SLC4A3: variants seen among roughly 807,000 people sequenced by gnomAD.
The protein encoded by SLC4A3 is solute carrier family 4 member 3.
SLC4A3 carries 47 observed loss-of-function variants against 114.2 expected under a neutral mutation model. The observed-to-expected ratio is 0.41, with a 90% CI of 0.33 to 0.52. SLC4A3 has a LOEUF of 0.52. Ranked by LOEUF, SLC4A3 falls within the 20% of genes least tolerant of loss-of-function variation. SLC4A3 has a pLI of 0.21. For synonymous variants in SLC4A3, 693 were observed against 710.3 expected, an observed-to-expected ratio of 0.98 and a Z score of 0.39; for missense variants, 1,312 against 1,668.3, an observed-to-expected ratio of 0.79 and a Z score of 3.72.
rs908247938 is a variant in SLC4A3, at chr2:219,629,234, C to G, written c.308C>G (p.Ala103Gly). 10 of 1,613,596 alleles carry G rather than the reference C, an allele frequency of 6.2e-6. No individual in the cohort carries two copies. Among genetic ancestry groups the G allele is most frequent in the African/African-American group, 1.3e-5 (1 of 75,040 alleles). ...CTGCGGCGGCTGCCCCCCACCTCTG[C>G]CCGGCACACCAGGAGAAAGAGGAAG... ...HKLRRLPPTS[A>G]RHTRRKRKKE... The change falls in exon 4 of 23, where the codon GCC becomes GGC. Residue 103 changes from alanine to glycine, a missense_variant. Physicochemically the swap from Ala to Gly is moderately conservative, Grantham distance 60. Transcript: ENST00000358055.
intron 8 of SLC4A3, 95 bp from the exon 9 acceptor site, chr2:219,632,779 C>A (rs1482045948): frequency 1.3e-6 from 2 of 1,518,876 alleles, no homozygotes; most frequent in South Asian, 1.2e-5. Context: ...GCCCTTCCAG[C>A]ACATTCGCAT....
rs562570966 is a variant in SLC4A3, at chr2:219,629,924, T to C, written c.611+229T>C. The C allele has an allele frequency of 1.6e-4, 127 of 805,684 alleles. 1 individual carries two copies. In the African/African-American group the frequency reaches 2.1e-3, roughly 13 times the overall value. 49.9% of individuals were successfully genotyped at this position (805,684 alleles called of 1,614,324 possible). ...ACAGAGAAGAGCAGAGTGAAGAGGT[T>C]AGGAGTTCCCCAGGAGAGAGTGACA... On this transcript the variant is annotated intron_variant, in intron 5 of 22. Transcript: ENST00000358055.
chr2:219,635,774 C>T lies in SLC4A3; in HGVS notation c.2074C>T (p.Arg692Trp), dbSNP rs1047735060. 2.5e-6 allele frequency: 4 copies of T among 1,593,700 alleles called. No homozygotes were observed. Among genetic ancestry groups the T allele is most frequent in the African/African-American group, 2.7e-5 (2 of 73,920 alleles). The change falls in exon 14 of 23, where the codon CGG becomes TGG. Residue 692 changes from arginine (R) to tryptophan (W), a missense_variant. Coordinates refer to ENST00000358055, the MANE Select transcript of SLC4A3 (RefSeq NM_005070.4). The part of the protein sequence containing the change: ...FGGLVRDVRR[R>W]YPHYPSDLRD... Reference sequence around the variant, plus strand: ...GGGGCTTGTGCGGGATGTGAGGCGCCGGTACCCGCACTACCCCAGTGACCT... The same window carrying T: ...GGGGCTTGTGCGGGATGTGAGGCGCTGGTACCCGCACTACCCCAGTGACCT...
intron 9 of SLC4A3, 66 bp from the exon 10 acceptor site, chr2:219,633,208 C>T (rs866930380): frequency 2.9e-5 from 42 of 1,461,998 alleles, no homozygotes; most frequent in African/African-American, 2.5e-4. Context: ...CCCTCCACTA[C>T]TCACCTCATG....
In SLC4A3 at chr2:219,628,076, G is replaced by T. The variant is rs1175368322; in HGVS notation, c.51+33G>T. The T allele has an allele frequency of 2.0e-6, 3 of 1,511,564 alleles. No homozygotes were observed. In the African/African-American group the frequency reaches 4.2e-5, roughly 21 times the overall value. 93.6% of individuals were successfully genotyped at this position (1,511,564 alleles called of 1,614,324 possible). On this transcript the variant is annotated intron_variant, in intron 2 of 22. Coordinates refer to ENST00000358055, the MANE Select transcript of SLC4A3 (RefSeq NM_005070.4). The surrounding 1 kb of genome is among the most constrained non-coding windows in gnomAD (Gnocchi z 4.8). Reference sequence around the variant, plus strand: ...GCGCGCGCGGGGGCGGGGGAGAGATGGGGGAGGAGAGGGGAGGGACCTTAG... The same window carrying T: ...GCGCGCGCGGGGGCGGGGGAGAGATTGGGGAGGAGAGGGGAGGGACCTTAG...
In SLC4A3 at chr2:219,636,455, G is replaced by A; in HGVS notation, c.2340+5G>A. 1 of 1,600,474 alleles carries A rather than the reference G, an allele frequency of 6.2e-7. No homozygotes were observed. The highest frequency in any genetic ancestry group is 1.3e-5 in the African/African-American group (1 of 74,480). ...TTTGAGGAAGCCTTCTTCAAGGTGA[G>A]GCGAAGCCTTGCCCTGCTCCATCCA... On this transcript the variant is annotated splice_donor_5th_base_variant and intron_variant, in intron 15 of 22. Coordinates refer to ENST00000358055, the MANE Select transcript of SLC4A3 (RefSeq NM_005070.4). This position sits in a 1 kb window ranked among gnomAD's most constrained non-coding sequence, Gnocchi z 5.5.
chr2:219,628,554 C>G lies in SLC4A3; in HGVS notation c.201C>G (p.Ser67Arg), dbSNP rs760996889. 8 of 1,613,058 alleles carry G rather than the reference C, an allele frequency of 5.0e-6. No homozygotes were observed. The South Asian group carries it at 7.7e-5, about 16-fold the overall frequency. ...CCGAGAAGCCCAGCCGCAGCTACAG[C>G]GAGCGGGACTTTGAGTGTGGGTAGC... The part of the protein sequence containing the change: ...WDPEKPSRSY[S>R]ERDFEFHRHT... Residue 67 changes from serine (S) to arginine (R), a missense_variant, in exon 3 of 23, where the codon AGC becomes AGG. Ser to Arg is a moderately radical substitution (Grantham distance 110). This residue lies in a region of SLC4A3 where 236 missense variants were observed against 212.1 expected (regional missense o/e 1.11). Coordinates refer to ENST00000358055, the MANE Select transcript of SLC4A3 (RefSeq NM_005070.4). The surrounding 1 kb of genome is among the most constrained non-coding windows in gnomAD (Gnocchi z 4.8).
chr2:219,631,937 T>C lies in SLC4A3; in HGVS notation c.812-31T>C. On this transcript the variant is annotated intron_variant, in intron 6 of 22. Coordinates refer to ENST00000358055, the MANE Select transcript of SLC4A3 (RefSeq NM_005070.4). The surrounding 1 kb of genome is among the most constrained non-coding windows in gnomAD (Gnocchi z 6.3). ...TGACCCCGAGGGCCCCAGCTGGACC[T>C]GTGGGACCCCCAAGCCCATCTTCTC... 6.4e-7 allele frequency: 1 copy of C among 1,558,242 alleles called. No homozygotes were observed. Among genetic ancestry groups the C allele is most frequent in the Non-Finnish European group, 8.7e-7 (1 of 1,152,646 alleles).
chr2:219,638,281 G>A lies in SLC4A3; in HGVS notation c.2856+28G>A, dbSNP rs1263660930. ...GAGGGAGCCCCAGCCTGTGGCAGCT[G>A]CTGTCACCCCCAGGCCAGGAGAGGG... is the stretch of plus-strand genomic sequence containing the variant. On this transcript the variant is annotated intron_variant, in intron 18 of 22. Transcript: ENST00000358055. The surrounding 1 kb of genome is among the most constrained non-coding windows in gnomAD (Gnocchi z 7.5). The A allele has an allele frequency of 5.8e-6, 9 of 1,541,546 alleles. No homozygotes were observed. Among genetic ancestry groups the A allele is most frequent in the East Asian group, 2.3e-5 (1 of 44,038 alleles).
chr2:219,633,123 T>G, intron 9 of SLC4A3, 114 bp downstream of exon 9: 6 of 1,417,356 alleles, frequency 4.2e-6, no homozygotes, highest in Non-Finnish European at 5.8e-6. Context: ...GACAGAGAGC[T>G]CATTTCTATC....
chr2:219,635,248 C>A (rs1172000714), intron 12 of SLC4A3, 23 bp from the exon 13 acceptor site: 2 of 1,605,724 alleles, frequency 1.2e-6, no homozygotes, highest in Non-Finnish European at 8.5e-7. Flanking sequence ...CCCTGAGGGT[C>A]CTGGCCCTCT....
chr2:219,629,808 G>A (rs1698853289), intron 5 of SLC4A3, 113 bp downstream of exon 5: 2 of 463,156 alleles, frequency 4.3e-6, no homozygotes, highest in South Asian at 4.5e-5. Context: ...CTGACCCTGA[G>A]AAAAGAGGAG....
Position 219,641,563 on chromosome 2 carries a change from G to A in SLC4A3, c.3622-88G>A. On this transcript the variant is annotated intron_variant, in intron 22 of 22. Coordinates refer to ENST00000358055, the MANE Select transcript of SLC4A3 (RefSeq NM_005070.4). This position sits in a 1 kb window ranked among gnomAD's most constrained non-coding sequence, Gnocchi z 4.0. Reference sequence around the variant, plus strand: ...AGGCCCAGGAAAGGTCAGGGAGCAGGGAGGGCTGCAGGTTGGAGGAGGAGC... The same window carrying A: ...AGGCCCAGGAAAGGTCAGGGAGCAGAGAGGGCTGCAGGTTGGAGGAGGAGC... The A allele has an allele frequency of 1.9e-6, 2 of 1,048,294 alleles. No individual in the cohort carries two copies. Among genetic ancestry groups the A allele is most frequent in the Non-Finnish European group, 1.5e-6 (1 of 676,730 alleles). The allele number at this position is 1,048,294 out of a possible 1,614,324, so 64.9% of individuals were successfully genotyped here.
chr2:219,627,943 G>C lies in SLC4A3; in HGVS notation c.-50G>C. On this transcript the variant is annotated 5_prime_UTR_variant, in exon 2 of 23. Coordinates refer to ENST00000358055, the MANE Select transcript of SLC4A3 (RefSeq NM_005070.4). Reference sequence around the variant, plus strand: ...CTCAGTGGCCCCTCCTTCTCACCTGGGTCTCGGGTCCCCTAGTGAGCGAGA... The same window carrying C: ...CTCAGTGGCCCCTCCTTCTCACCTGCGTCTCGGGTCCCCTAGTGAGCGAGA... 1 of 1,553,074 alleles carries C rather than the reference G, an allele frequency of 6.4e-7. No individual in the cohort carries two copies. The highest frequency in any genetic ancestry group is 8.8e-7 in the Non-Finnish European group (1 of 1,135,678).
rs1559195465 is a variant in SLC4A3 at position 219,628,206 on chromosome 2, T to C, written c.51+163T>C. ...AGGGGGGTTTTTGATATTTTCCAGA[T>C]CCGTAGCCCTCTCTCTTTACAAGCT... On this transcript the variant is annotated intron_variant, in intron 2 of 22. Transcript: ENST00000358055. The surrounding 1 kb of genome is among the most constrained non-coding windows in gnomAD (Gnocchi z 4.8). Among the ~76,000 whole-genome samples the C allele has an allele frequency of 6.6e-6, 1 of 151,870 alleles. No homozygotes were observed. The highest frequency in any genetic ancestry group is 6.5e-5 in the Admixed American group (1 of 15,276).
Position 219,635,787 on chromosome 2 carries a change from A to AC in SLC4A3, c.2091dup (p.Ser698GlnfsTer2). ...GATGTGAGGCGCCGGTACCCGCACT[A>AC]CCCCAGTGACCTGCGAGATGCGCTG... On this transcript the variant is annotated frameshift_variant, in exon 14 of 23. Coordinates refer to ENST00000358055, the MANE Select transcript of SLC4A3 (RefSeq NM_005070.4). LOFTEE classifies it high-confidence loss of function. 1.3e-6 allele frequency: 2 copies of AC among 1,592,066 alleles called. No homozygotes were observed. Among genetic ancestry groups the AC allele is most frequent in the Non-Finnish European group, 1.7e-6 (2 of 1,171,624 alleles).
In SLC4A3 at chr2:219,632,969, G is replaced by T. The variant is rs1208397280; in HGVS notation, c.1237G>T (p.Asp413Tyr). Residue 413 changes from aspartate (D) to tyrosine (Y), a missense_variant, in exon 9 of 23, where the codon GAC (aspartate) becomes TAC (tyrosine). Transcript: ENST00000358055. ...TGTGTCTGACCAGATCCGGCCGGAG[G>T]ACAGGGCCAGCGTCCTACGTACCCT... ...MIVSDQIRPE[D>Y]RASVLRTLLL... is the part of the protein sequence containing the mutation. The T allele has an allele frequency of 5.6e-6, 9 of 1,614,078 alleles. No individual in the cohort carries two copies. The highest frequency in any genetic ancestry group is 2.2e-5 in the South Asian group (2 of 91,080).
chr2:219,635,588 G>A lies in SLC4A3; in HGVS notation c.1973-85G>A, dbSNP rs1009570755. On this transcript the variant is annotated intron_variant, in intron 13 of 22. Coordinates refer to ENST00000358055, the MANE Select transcript of SLC4A3 (RefSeq NM_005070.4). ...CCCCAGCCCCGTCCTGACTCCTGGA[G>A]TCCTTTGCATCCCTGATCCCAACAG... 7 of 1,478,684 alleles carry A rather than the reference G, an allele frequency of 4.7e-6. No homozygotes were observed. In the African/African-American group the frequency reaches 5.6e-5, roughly 12 times the overall value. 91.6% of individuals were successfully genotyped at this position (1,478,684 alleles called of 1,614,324 possible).
rs1699047539 is a variant in SLC4A3 at position 219,634,438 on chromosome 2, A to G, written c.1580A>G (p.Glu527Gly). The change falls in exon 12 of 23, where the codon GAG becomes GGG. Residue 527 changes from glutamate (E) to glycine (G), a missense_variant. Glu to Gly is a moderately conservative substitution (Grantham distance 98, BLOSUM62 -2). Transcript: ENST00000358055. ...VVLVGCVPFL[E>G]QPAAAFVRLN... ...CCCCTAGGTTGTGTGCCTTTCTTGGAGCAGCCTGCAGCAGCCTTCGTGCGT... is the reference window on the plus strand; with the variant it reads ...CCCCTAGGTTGTGTGCCTTTCTTGGGGCAGCCTGCAGCAGCCTTCGTGCGT... 1.2e-6 allele frequency: 2 copies of G among 1,613,880 alleles called. No individual in the cohort carries two copies. Among genetic ancestry groups the G allele is most frequent in the Non-Finnish European group, 1.7e-6 (2 of 1,179,998 alleles).
Sources: allele counts gnomAD v4.1 joint callset (sites outside exome capture counted in the v4.1 genomes callset), GRCh38; gene constraint gnomAD v4.1.1; regional missense constraint gnomAD v4.1.1; non-coding constraint Gnocchi (gnomAD v3.1); transcripts MANE v1.5; gene names NCBI Gene and HGNC (gene_info 2026-07-23, HGNC 2026-07-21).